The following UBE2V2 variants were observed in gnomAD, a reference collection of about 807,000 sequenced individuals.
UBE2V2 encodes the protein ubiquitin-conjugating enzyme E2 variant 2.
In UBE2V2, 9 loss-of-function variants were observed where a neutral mutation model predicts 17.2. That is an observed-to-expected ratio of 0.52 (90% CI 0.32 to 0.91). UBE2V2 has a LOEUF of 0.91. Among genes scored for constraint, UBE2V2 ranks in the 40% least tolerant of loss-of-function variants. The probability of loss-of-function intolerance (pLI) is 0.04; values close to 1 mark genes in which losing one functional copy is unlikely to be tolerated. For missense variants in UBE2V2, 133 were observed against 182.6 expected (o/e 0.73, Z 1.56); for synonymous variants, 61 against 57.5 (o/e 1.06, Z -0.28).
chr8:48,016,462 AC>A (rs917090018), intron 1 of UBE2V2, among the ~76,000 whole-genome samples: 27 of 150,470 alleles, frequency 1.8e-4, no homozygotes, highest in African/African-American at 6.3e-4. Flanking sequence ...ATCACCACAT[AC>A]TCACCAACAC....
chr8:48,051,660 C>T (rs781372019), intron 3 of UBE2V2, among the ~76,000 whole-genome samples: 1 of 152,158 alleles, frequency 6.6e-6, no homozygotes, highest in Non-Finnish European at 1.5e-5. Context: ...TCAATTTCCC[C>T]TTCATATAAC....
At chr8:47,998,409 G>A in the UBE2V2 span, among the ~76,000 whole-genome samples, 4 of 151,956 alleles carry the variant, frequency 2.6e-5, no homozygotes, top group Non-Finnish European at 5.9e-5. Flanking sequence ...GAAGGTAACC[G>A]CCGTGTCAGG....
chr8:48,043,893 C>T (rs1364834845), intron 2 of UBE2V2, among the ~76,000 whole-genome samples: 1 of 149,930 alleles, frequency 6.7e-6, no homozygotes, highest in East Asian at 1.9e-4. Flanking sequence ...TATTTTTACT[C>T]AAAGTCTTTT....
chr8:48,045,112 A>G (rs1423028838), intron 2 of UBE2V2, among the ~76,000 whole-genome samples: 1 of 152,226 alleles, frequency 6.6e-6, no homozygotes. Context: ...GCACACAGAC[A>G]AAATGCTACT....
intron 1 of UBE2V2, chr8:48,035,110 T>A: frequency 5.2e-6 from 3 of 576,484 alleles, no homozygotes; most frequent in Non-Finnish European, 6.3e-6. Context: ...ATTTATTCTT[T>A]TTTTTTTTTT....
intron 1 of UBE2V2, among the ~76,000 whole-genome samples, chr8:48,017,437 G>A (rs1291462790): frequency 2.0e-5 from 3 of 149,304 alleles, no homozygotes; most frequent in South Asian, 2.1e-4. Flanking sequence ...GCAATGGCAC[G>A]ATCTCAGCTC....
At chr8:48,011,408 C>T (rs551026146) in intron 1 of UBE2V2, among the ~76,000 whole-genome samples, 2 of 152,102 alleles carry the variant, frequency 1.3e-5, no homozygotes, top group Non-Finnish European at 2.9e-5. Context: ...AAACTGCTAA[C>T]CTCAGGTAAT....
chr8:48,035,272 T>C (rs1435107166), intron 1 of UBE2V2, among the ~76,000 whole-genome samples: 6 of 151,880 alleles, frequency 4.0e-5, no homozygotes, highest in African/African-American at 9.7e-5. Flanking sequence ...TGCACCACCA[T>C]GCCCAGCTAA....
chr8:48,036,292 T>C (rs1379553638), intron 1 of UBE2V2, among the ~76,000 whole-genome samples: 1 of 151,846 alleles, frequency 6.6e-6, no homozygotes, highest in Non-Finnish European at 1.5e-5. Flanking sequence ...GGGTCATGTC[T>C]GATGTTCTTA....
intron 1 of UBE2V2, among the ~76,000 whole-genome samples, chr8:48,036,607 G>GT (rs2091426957): frequency 6.6e-6 from 1 of 151,484 alleles, no homozygotes; most frequent in Admixed American, 6.6e-5. Context: ...CTAATTTTTT[G>GT]TATCTTTAGG....
intron 1 of UBE2V2, among the ~76,000 whole-genome samples, chr8:48,016,295 T>C (rs1260569262): frequency 6.6e-6 from 1 of 152,200 alleles, no homozygotes; most frequent in Non-Finnish European, 1.5e-5. Context: ...CTCTTTGACA[T>C]ACTGATTTTA....
chr8:48,019,534 C>T (rs989305613), intron 1 of UBE2V2, among the ~76,000 whole-genome samples: 4 of 143,228 alleles, frequency 2.8e-5, no homozygotes, highest in African/African-American at 5.2e-5. Flanking sequence ...CTCAAAAAAA[C>T]GGCAGGGCAT....
At chr8:48,008,616 G>T in intron 1 of UBE2V2, 146 bp downstream of exon 1, 32 of 1,164,582 alleles carry the variant, frequency 2.7e-5, no homozygotes, top group Non-Finnish European at 3.5e-5. Flanking sequence ...CGTAGCCTGG[G>T]ACCGGGTGGG....
At chr8:48,007,984 G>A (rs1395479276), upstream of UBE2V2, among the ~76,000 whole-genome samples, 1 of 152,076 alleles carries the variant, frequency 6.6e-6, no homozygotes, top group African/African-American at 2.4e-5. Context: ...GTGCAGTGGC[G>A]CAATCGCGGC....
intron 2 of UBE2V2, among the ~76,000 whole-genome samples, chr8:48,046,045 C>A (rs1400498122): frequency 6.6e-6 from 1 of 152,188 alleles, no homozygotes; most frequent in Non-Finnish European, 1.5e-5. Flanking sequence ...CTCCCAGGTT[C>A]AAGCGGTTTT....
At chr8:48,002,951 C>A in the UBE2V2 span, among the ~76,000 whole-genome samples, 1 of 152,086 alleles carries the variant, frequency 6.6e-6, no homozygotes, top group Non-Finnish European at 1.5e-5. Context: ...GTGGCTGACA[C>A]CTGTAATCCC....
chr8:48,034,175 G>A (rs1421933554), intron 1 of UBE2V2, among the ~76,000 whole-genome samples: 6 of 148,222 alleles, frequency 4.0e-5, no homozygotes, highest in Admixed American at 1.4e-4. Context: ...GGGCTGGAGT[G>A]CAGTGGTGCC....
At chr8:48,045,518 G>A (rs2091493019) in intron 2 of UBE2V2, among the ~76,000 whole-genome samples, 2 of 152,166 alleles carry the variant, frequency 1.3e-5, no homozygotes, top group Admixed American at 6.5e-5. Flanking sequence ...TACCTACTTC[G>A]TGGGGAGGTC....
At chr8:48,046,331 G>T (rs1326885135) in intron 2 of UBE2V2, among the ~76,000 whole-genome samples, 2 of 152,106 alleles carry the variant, frequency 1.3e-5, no homozygotes, top group Non-Finnish European at 2.9e-5. Context: ...TGTTAGCCGG[G>T]ATGGTCTCGA....
Sources: gnomAD v4.1 joint callset for allele counts (sites outside exome capture counted in the v4.1 genomes callset) on GRCh38, gnomAD v4.1.1 for gene constraint, MANE v1.5 for transcripts, NCBI Gene and HGNC (gene_info 2026-07-23, HGNC 2026-07-21) for gene names.